DISP3: variants seen among roughly 807,000 people sequenced by gnomAD.
DISP3 encodes the protein dispatched RND transporter family member 3.
Under a neutral mutation model 135.3 loss-of-function variants are expected in DISP3, and 101 were observed. The ratio of observed to expected loss-of-function variants is 0.75; its 90% CI spans 0.64 to 0.88. The LOEUF is 0.88. Ranked by LOEUF, DISP3 falls within the 40% of genes least tolerant of loss-of-function variation. DISP3 has a pLI of 0.00. For synonymous variants in DISP3, 856 were observed against 817.0 expected (o/e 1.05, Z -0.81); for missense variants, 1,713 against 1,878.6 (o/e 0.91, Z 1.63).
At chr1:11,526,201 G>T (rs897761536) in intron 12 of DISP3, among the ~76,000 whole-genome samples, 1 of 152,160 alleles carries the variant, frequency 6.6e-6, no homozygotes, top group Non-Finnish European at 1.5e-5. Context: ...TCAGCTTCGT[G>T]CGTGGCTGAC....
intron 12 of DISP3, among the ~76,000 whole-genome samples, chr1:11,526,443 C>T (rs1642421572): frequency 6.6e-6 from 1 of 152,220 alleles, no homozygotes; most frequent in African/African-American, 2.4e-5. Context: ...AAGGAAGAAA[C>T]AAGGCTCAGA....
At position 11,529,701 on chromosome 1, in the gene DISP3, C is replaced by T. The variant is rs1278747620; in HGVS notation, c.2929+15C>T. On this transcript the variant is annotated intron_variant, in intron 14 of 20. Transcript: ENST00000294484. This position sits in a 1 kb window ranked among gnomAD's most constrained non-coding sequence, Gnocchi z 4.7. ...TAGTGAGAAAGGTACGGCAAGGGCA[C>T]ACAGGTGGGGACCTCAAGAGCTGAG... 1 of 1,602,138 alleles carries T rather than the reference C, an allele frequency of 6.2e-7. No homozygotes were observed. The highest frequency in any genetic ancestry group is 8.5e-7 in the Non-Finnish European group (1 of 1,170,928).
intron 1 of DISP3, among the ~76,000 whole-genome samples, chr1:11,492,560 AC>A (rs1401360285): frequency 2.0e-5 from 3 of 149,462 alleles, no homozygotes; most frequent in African/African-American, 7.4e-5. Context: ...TCCTCTCCCC[AC>A]CCCCACCTGG....
rs576152256 is a variant in DISP3, at chr1:11,499,847, T to C, written c.-3-1143T>C. Among the ~76,000 whole-genome samples the C allele has an allele frequency of 1.3e-5, 2 of 152,340 alleles. No homozygotes were observed. The highest frequency in any genetic ancestry group is 4.1e-4 in the South Asian group (2 of 4,826). On this transcript the variant is annotated intron_variant, in intron 1 of 20. Transcript: ENST00000294484. The surrounding 1 kb of genome is among the most constrained non-coding windows in gnomAD (Gnocchi z 5.2). ...TCCTGGACAGATCATCTAATTGAAA[T>C]GGAGCACTCCAAAGAATGTTAATAG...
chr1:11,504,749 C>T (rs1318274532), intron 3 of DISP3, among the ~76,000 whole-genome samples: 1 of 152,166 alleles, frequency 6.6e-6, no homozygotes, highest in Non-Finnish European at 1.5e-5. Context: ...TGATGCAGCA[C>T]AAAAGCCTTC....
intron 1 of DISP3, among the ~76,000 whole-genome samples, chr1:11,496,092 T>C (rs111362221): frequency 6.6e-6 from 1 of 152,228 alleles, no homozygotes; most frequent in Admixed American, 6.5e-5. Context: ...AATGGGTTTT[T>C]AAATGCATAT....
chr1:11,523,568 CA>C (rs1231373780), intron 10 of DISP3, among the ~76,000 whole-genome samples: 1 of 110,660 alleles, frequency 9.0e-6, no homozygotes, highest in East Asian at 2.8e-4. Flanking sequence ...AGAGGGCGAG[CA>C]GGGGGCAGAG....
Position 11,536,934 on chromosome 1 carries a change from G to A in DISP3, c.*248G>A. 1.8e-6 allele frequency: 1 copy of A among 567,544 alleles called. No homozygotes were observed. The highest frequency in any genetic ancestry group is 3.1e-6 in the Non-Finnish European group (1 of 325,422). 35.2% of individuals were successfully genotyped at this position (567,544 alleles called of 1,614,324 possible). ...ACACTCGGCTTTTTGCCCAGTGGCA[G>A]AAGAGACCAGCCCTCCTCCCATGCC... On this transcript the variant is annotated 3_prime_UTR_variant, in exon 21 of 21. Coordinates refer to ENST00000294484, the MANE Select transcript of DISP3 (RefSeq NM_020780.2). This position sits in a 1 kb window ranked among gnomAD's most constrained non-coding sequence, Gnocchi z 4.3.
chr1:11,501,743 C>G lies in DISP3; in HGVS notation c.751C>G (p.Arg251Gly). 6.3e-7 allele frequency: 1 copy of G among 1,591,460 alleles called. No individual in the cohort carries two copies. The highest frequency in any genetic ancestry group is 8.6e-7 in the Non-Finnish European group (1 of 1,167,344). Residue 251 changes from arginine to glycine, a missense_variant, in exon 2 of 21, where the codon CGA becomes GGA. Physicochemically the swap from Arg to Gly is moderately radical, Grantham distance 125. This residue lies in a region of DISP3 where 571 missense variants were observed against 494.1 expected (regional missense o/e 1.16). Coordinates refer to ENST00000294484, the MANE Select transcript of DISP3 (RefSeq NM_020780.2). This position sits in a 1 kb window ranked among gnomAD's most constrained non-coding sequence, Gnocchi z 4.9. ...CGCGGCCAATCAGAGCCGTGCCCGC[C>G]GAGGCGCCTCGCGCTGGGACTACTC... ...AVAANQSRARRGASRWDYSRA... is the reference protein window; with the variant it reads ...AVAANQSRARGGASRWDYSRA...
rs777847825 is a variant in DISP3, at chr1:11,501,572, A to G, written c.580A>G (p.Lys194Glu). ...GPYRDTSAAQ[K>E]PTANRSGRLR... Reference sequence around the variant, plus strand: ...TTACCGGGACACTTCCGCGGCTCAAAAGCCCACAGCCAATCGGAGCGGGCG... The same window carrying G: ...TTACCGGGACACTTCCGCGGCTCAAGAGCCCACAGCCAATCGGAGCGGGCG... Residue 194 changes from lysine to glutamate, a missense_variant, in exon 2 of 21, where the codon AAG becomes GAG. Around this residue, in one of 2 missense-constraint regions of DISP3, gnomAD observed 571 missense variants for 494.1 expected, o/e 1.16. Coordinates refer to ENST00000294484, the MANE Select transcript of DISP3 (RefSeq NM_020780.2). This position sits in a 1 kb window ranked among gnomAD's most constrained non-coding sequence, Gnocchi z 4.9. 1 of 1,589,570 alleles carries G rather than the reference A, an allele frequency of 6.3e-7. No individual in the cohort carries two copies.
intron 1 of DISP3, among the ~76,000 whole-genome samples, 172 bp from the exon 2 acceptor site, chr1:11,500,818 T>C (rs1641483849): frequency 6.6e-6 from 1 of 152,228 alleles, no homozygotes; most frequent in Non-Finnish European, 1.5e-5. Context: ...TCTGTATTTT[T>C]TACCGGTGGT....
chr1:11,481,904 T>C (rs1470417137), intron 1 of DISP3: 2 of 152,184 alleles, frequency 1.3e-5, no homozygotes, highest in Admixed American at 1.3e-4. Context: ...GTCAAGTAAT[T>C]TTCTTGAGGT....
At chr1:11,514,954 T>C (rs1641961312) in intron 4 of DISP3, among the ~76,000 whole-genome samples, 1 of 152,152 alleles carries the variant, frequency 6.6e-6, no homozygotes, top group South Asian at 2.1e-4. Flanking sequence ...CTGTATACAG[T>C]AGGCACACTC....
At position 11,501,406 on chromosome 1, in the gene DISP3, C is replaced by T. The variant is rs1367340914; in HGVS notation, c.414C>T (p.Arg138=). ...SQFGSWGRNR[R]DLADFTSETL... ...TTGGATCCTGGGGGCGGAACCGGCG[C>T]GATTTGGCCGACTTCACCTCCGAGA... The change falls in exon 2 of 21, where the codon CGC becomes CGT. Residue 138 remains arginine, a synonymous_variant. Transcript: ENST00000294484. This position sits in a 1 kb window ranked among gnomAD's most constrained non-coding sequence, Gnocchi z 4.9. The T allele has an allele frequency of 3.1e-6, 5 of 1,596,714 alleles. No homozygotes were observed. The highest frequency in any genetic ancestry group is 3.4e-6 in the Non-Finnish European group (4 of 1,171,930).
chr1:11,501,126 GCTGGCGGCA>G lies in DISP3; in HGVS notation c.140_148del (p.Arg47_Trp49del). The G allele has an allele frequency of 6.2e-7, 1 of 1,613,904 alleles. No homozygotes were observed. The highest frequency in any genetic ancestry group is 8.5e-7 in the Non-Finnish European group (1 of 1,179,904). ...CAACCTGGGGCAGGGGGACAGTGTT[GCTGGCGGCA>G]CTGGCCCCTGGCTTCCCGACCCCCA... On this transcript the variant is annotated inframe_deletion, in exon 2 of 21. Coordinates refer to ENST00000294484, the MANE Select transcript of DISP3 (RefSeq NM_020780.2). This position sits in a 1 kb window ranked among gnomAD's most constrained non-coding sequence, Gnocchi z 4.9.
Position 11,532,186 on chromosome 1 carries a change from CAT to C in DISP3, c.3375+477_3375+478del, listed in dbSNP as rs565391260. On this transcript the variant is annotated intron_variant, in intron 17 of 20. Coordinates refer to ENST00000294484, the MANE Select transcript of DISP3 (RefSeq NM_020780.2). ...CTCTGCCCAAGGAGGCATAGGCACA[CAT>C]GTGTGCACATACCCACACATGCACA... 6.6e-5 allele frequency among the ~76,000 whole-genome samples: 10 copies of C among 152,348 alleles called. No individual in the cohort carries two copies. In the South Asian group the frequency reaches 1.2e-3, roughly 19 times the overall value.
Position 11,525,661 on chromosome 1 carries a change from G to T in DISP3, c.2613+349G>T, listed in dbSNP as rs984279224. Among the ~76,000 whole-genome samples the T allele has an allele frequency of 2.0e-5, 3 of 152,358 alleles. No homozygotes were observed. The East Asian group carries it at 5.8e-4, about 29-fold the overall frequency. ...AGGGGTGTGAGGTGAGGCCTGTGCCGTGCAGAACGCCTGGGTGCAGTCCCT... is the reference window on the plus strand; with the variant it reads ...AGGGGTGTGAGGTGAGGCCTGTGCCTTGCAGAACGCCTGGGTGCAGTCCCT... On this transcript the variant is annotated intron_variant, in intron 12 of 20. Transcript: ENST00000294484.
rs1641172907 is a variant in DISP3 at position 11,491,201 on chromosome 1, A to G, written c.-3-9789A>G. On this transcript the variant is annotated intron_variant, in intron 1 of 20. Coordinates refer to ENST00000294484, the MANE Select transcript of DISP3 (RefSeq NM_020780.2). The surrounding 1 kb of genome is among the most constrained non-coding windows in gnomAD (Gnocchi z 4.3). ...GATGTGGGGAGGCCAAGGCTAAATC[A>G]GTTGCTGGAGGGAGCCACTGGGAAC... is the stretch of plus-strand genomic sequence containing the variant. Among the ~76,000 whole-genome samples, 1 of 152,216 alleles carries G rather than the reference A, an allele frequency of 6.6e-6. No homozygotes were observed. Among genetic ancestry groups the G allele is most frequent in the Non-Finnish European group, 1.5e-5 (1 of 68,038 alleles).
chr1:11,534,615 G>T, intron 18 of DISP3, 75 bp downstream of exon 18: 1 of 1,513,470 alleles, frequency 6.6e-7, no homozygotes. Context: ...GGCACAGAGC[G>T]GCCTGAGTCA....
Sources: gnomAD v4.1 joint callset for allele counts (sites outside exome capture counted in the v4.1 genomes callset) on GRCh38, gnomAD v4.1.1 for gene constraint, gnomAD v4.1.1 regional missense constraint, Gnocchi (gnomAD v3.1) non-coding constraint, MANE v1.5 for transcripts, NCBI Gene and HGNC (gene_info 2026-07-23, HGNC 2026-07-21) for gene names.